SPINK6: variants seen among roughly 807,000 people sequenced by gnomAD.
SPINK6 encodes serine peptidase inhibitor Kazal type 6.
In SPINK6, 13 loss-of-function variants were observed where a neutral mutation model predicts 11.7. That is an observed-to-expected ratio of 1.11 (90% confidence interval 0.72 to 1.76). The LOEUF is 1.76. Ranked by LOEUF, SPINK6 falls within the 40% of genes most tolerant of loss-of-function variation. The pLI is 0.00. For missense variants in SPINK6, 98 were observed against 93.7 expected, an observed-to-expected ratio of 1.05 and a Z score of -0.19; for synonymous variants, 21 against 31.9, an observed-to-expected ratio of 0.66 and a Z score of 1.15.
At position 148,207,021 on chromosome 5, in the gene SPINK6, T is replaced by TTGTGTGTGTG. The variant is rs61655416; in HGVS notation, c.81+977_81+986dup. On this transcript the variant is annotated intron_variant, in intron 2 of 3. Transcript: ENST00000325630. ...ATGCATCTTACAAATGATGATGCAT[T>TTGTGTGTGTG]TGTGTGTGTGTGTGTGTGTGTGTAC... Among the ~76,000 whole-genome samples, 899 of 150,120 alleles carry TTGTGTGTGTG rather than the reference T, an allele frequency of 6.0e-3. 8 individuals carry two copies. Among genetic ancestry groups the TTGTGTGTGTG allele is most frequent in the African/African-American group, 0.021 (855 of 40,994 alleles).
chr5:148,212,673 A>T (rs1165809339), intron 2 of SPINK6, among the ~76,000 whole-genome samples: 142 of 105,178 alleles, frequency 1.4e-3, no homozygotes, highest in African/African-American at 2.0e-3. Flanking sequence ...TATTTATATA[A>T]TATATATTTT....
chr5:148,203,282 A>C (rs1312401651), intron 1 of SPINK6, 128 bp downstream of exon 1: 1 of 670,598 alleles, frequency 1.5e-6, no homozygotes, highest in Non-Finnish European at 2.5e-6. Context: ...TATCATAATG[A>C]TGATAATGAT....
intron 1 of SPINK6, among the ~76,000 whole-genome samples, chr5:148,205,697 A>T (rs180851793): frequency 1.8e-4 from 28 of 152,308 alleles, no homozygotes; most frequent in African/African-American, 6.3e-4. Flanking sequence ...CCACAGTGAG[A>T]CCAGCGATGA....
chr5:148,206,971 A>T (rs1350003980), intron 2 of SPINK6, among the ~76,000 whole-genome samples: 4 of 152,018 alleles, frequency 2.6e-5, no homozygotes, highest in Non-Finnish European at 4.4e-5. Flanking sequence ...TTAGTTTTTT[A>T]AATTTTAGCA....
chr5:148,207,350 A>AT (rs1044356366), intron 2 of SPINK6, among the ~76,000 whole-genome samples: 120 of 151,966 alleles, frequency 7.9e-4, no homozygotes, highest in African/African-American at 2.8e-3. Context: ...GATTTCTCAG[A>AT]TTTTTTTTCT....
chr5:148,207,154 GATAGTATGGTCT>G (rs1204616709), intron 2 of SPINK6, among the ~76,000 whole-genome samples: 14 of 152,060 alleles, frequency 9.2e-5, no homozygotes, highest in Non-Finnish European at 1.8e-4. Flanking sequence ...AAATAAGCAT[GATAGTATGGTCT>G]ATACTAAACA....
At chr5:148,205,220 C>T (rs1021406635) in intron 1 of SPINK6, among the ~76,000 whole-genome samples, 2 of 152,194 alleles carry the variant, frequency 1.3e-5, no homozygotes. Context: ...CCCACACTCT[C>T]TCTCATTGCA....
intron 2 of SPINK6, among the ~76,000 whole-genome samples, chr5:148,210,655 G>C (rs1292230108): frequency 6.6e-6 from 1 of 151,586 alleles, no homozygotes; most frequent in African/African-American, 2.4e-5. Flanking sequence ...TAATATTCAG[G>C]AGTAAAAAAG....
chr5:148,212,361 A>G (rs943912194), intron 2 of SPINK6, among the ~76,000 whole-genome samples: 1 of 150,118 alleles, frequency 6.7e-6, no homozygotes, highest in African/African-American at 2.5e-5. Context: ...ATAAAAAGAC[A>G]TAGATGCACC....
In SPINK6 at chr5:148,214,997, T is replaced by C. The variant is rs1755663316; in HGVS notation, c.*47T>C. On this transcript the variant is annotated 3_prime_UTR_variant, in exon 4 of 4. Coordinates refer to ENST00000325630, the MANE Select transcript of SPINK6 (RefSeq NM_205841.4). ...TGACTTGCCAGCTTTTGCAGCCTTC[T>C]TTTCTCACTTCTGCTTATACTTTTG... The C allele has an allele frequency of 6.4e-7, 1 of 1,570,466 alleles. No homozygotes were observed. The highest frequency in any genetic ancestry group is 1.7e-4 in the Middle Eastern group (1 of 6,002).
Position 148,209,979 on chromosome 5 carries a change from T to TACATACATAC in SPINK6, c.81+3921_81+3922insACATACATAC, listed in dbSNP as rs1554112238. On this transcript the variant is annotated intron_variant, in intron 2 of 3. Coordinates refer to ENST00000325630, the MANE Select transcript of SPINK6 (RefSeq NM_205841.4). ...ATATGTATACATACATACGTACGTATGTATGTATACATATACACGTATGTA... is the reference window on the plus strand; with the variant it reads ...ATATGTATACATACATACGTACGTATACATACATACGTATGTATACATATACACGTATGTA... Among the ~76,000 whole-genome samples the TACATACATAC allele has an allele frequency of 2.1e-5, 3 of 145,506 alleles. 1 individual carries two copies. The highest frequency in any genetic ancestry group is 1.3e-4 in the Admixed American group (2 of 14,928).
At chr5:148,212,548 T>TA (rs1561733612) in intron 2 of SPINK6, among the ~76,000 whole-genome samples, 2 of 112,524 alleles carry the variant, frequency 1.8e-5, no homozygotes, top group African/African-American at 7.2e-5. Context: ...AAGTATATAT[T>TA]TATATATTTA....
upstream of SPINK6, chr5:148,202,799 G>T (rs1291244453): frequency 7.1e-6 from 2 of 280,462 alleles, no homozygotes; most frequent in Admixed American, 4.9e-5. Flanking sequence ...ATAATGTAGT[G>T]AAACTTTAGA....
At chr5:148,213,020 G>C (rs927088707) in intron 2 of SPINK6, among the ~76,000 whole-genome samples, 9 of 149,422 alleles carry the variant, frequency 6.0e-5, no homozygotes, top group Non-Finnish European at 1.3e-4. Flanking sequence ...TAGAGATAGA[G>C]TATATATATA....
At chr5:148,209,275 C>A (rs1755538341) in intron 2 of SPINK6, among the ~76,000 whole-genome samples, 1 of 151,926 alleles carries the variant, frequency 6.6e-6, no homozygotes, top group African/African-American at 2.4e-5. Context: ...CTTACATCTA[C>A]CAACAGCAGT....
At chr5:148,214,568 T>G (rs544182600) in intron 3 of SPINK6, among the ~76,000 whole-genome samples, 1 of 152,332 alleles carries the variant, frequency 6.6e-6, no homozygotes, top group East Asian at 1.9e-4. Flanking sequence ...TTCTTACATC[T>G]TCTGTCAGAA....
chr5:148,212,571 T>TTC (rs1489103794), intron 2 of SPINK6, among the ~76,000 whole-genome samples: 13 of 107,020 alleles, frequency 1.2e-4, no homozygotes, highest in African/African-American at 4.5e-4. Context: ...TAATATATAT[T>TTC]ATATATTATA....
At chr5:148,203,394 C>G (rs892752878) in intron 1 of SPINK6, among the ~76,000 whole-genome samples, 2 of 152,036 alleles carry the variant, frequency 1.3e-5, no homozygotes, top group Non-Finnish European at 2.9e-5. Context: ...TATGTATTGT[C>G]TCTGAGACTC....
At chr5:148,214,848 C>A in intron 3 of SPINK6, 57 bp from the exon 4 acceptor site, 1 of 1,363,078 alleles carries the variant, frequency 7.3e-7, no homozygotes, top group Non-Finnish European at 1.0e-6. Context: ...TTTAGAACTT[C>A]TATGGTGAGT....
Sources: gnomAD v4.1 joint callset for allele counts (sites outside exome capture counted in the v4.1 genomes callset) on GRCh38, gnomAD v4.1.1 for gene constraint, MANE v1.5 for transcripts, NCBI Gene and HGNC (gene_info 2026-07-23, HGNC 2026-07-21) for gene names.